SMOC2: variants seen among roughly 807,000 people sequenced by gnomAD.
The protein encoded by SMOC2 is SPARC-related modular calcium-binding protein 2.
Under a neutral mutation model 61.4 loss-of-function variants are expected in SMOC2, and 39 were observed. The ratio of observed to expected loss-of-function variants is 0.64; its 90% CI spans 0.49 to 0.83. The LOEUF is 0.83. SMOC2 is among the 40% of genes least tolerant of loss of function. SMOC2 has a pLI of 0.00. For missense variants in SMOC2, 556 were observed against 592.9 expected, an observed-to-expected ratio of 0.94 and a Z score of 0.65; for synonymous variants, 247 against 239.9, an observed-to-expected ratio of 1.03 and a Z score of -0.27.
intron 9 of SMOC2, among the ~76,000 whole-genome samples, chr6:168,638,689 C>G (rs966708339): frequency 6.6e-6 from 1 of 152,098 alleles, no homozygotes; most frequent in African/African-American, 2.4e-5. Flanking sequence ...GAAAAGACTG[C>G]GAAGGTGCCC....
At chr6:168,582,884 A>G (rs1435796284) in intron 7 of SMOC2, among the ~76,000 whole-genome samples, 1 of 151,920 alleles carries the variant, frequency 6.6e-6, no homozygotes, top group African/African-American at 2.4e-5. Context: ...CCCGGTTTTT[A>G]TCTTTCTTGA....
chr6:168,480,264 T>C (rs2115022422), intron 1 of SMOC2, among the ~76,000 whole-genome samples: 1 of 152,082 alleles, frequency 6.6e-6, no homozygotes, highest in East Asian at 1.9e-4. Flanking sequence ...AGAAAATGAA[T>C]CAACAGAAAA....
At position 168,475,907 on chromosome 6, in the gene SMOC2, G is replaced by A. The variant is rs1460969918; in HGVS notation, c.85-34008G>A. On this transcript the variant is annotated intron_variant, in intron 1 of 12. Coordinates refer to ENST00000356284, the MANE Select transcript of SMOC2 (RefSeq NM_001166412.2). This position sits in a 1 kb window ranked among gnomAD's most constrained non-coding sequence, Gnocchi z 4.6. ...CGGGGGTCTGTGTCGTTAACTGAGG[G>A]GCAGGCAGGAGCAGGTGGACCAGGA... is the stretch of plus-strand genomic sequence containing the variant. 6.6e-6 allele frequency among the ~76,000 whole-genome samples: 1 copy of A among 151,964 alleles called. No individual in the cohort carries two copies. Among genetic ancestry groups the A allele is most frequent in the Non-Finnish European group, 1.5e-5 (1 of 67,962 alleles).
chr6:168,582,088 T>C (rs933938077), intron 7 of SMOC2, among the ~76,000 whole-genome samples: 18 of 152,252 alleles, frequency 1.2e-4, no homozygotes, highest in African/African-American at 4.3e-4. Flanking sequence ...GTTTGGAGAC[T>C]TTCTCTCAAC....
chr6:168,464,297 CGGACGGAAGGAA>C (rs1231426571), intron 1 of SMOC2, among the ~76,000 whole-genome samples: 1 of 151,448 alleles, frequency 6.6e-6, no homozygotes, highest in Admixed American at 6.6e-5. Context: ...GAAGGAAGGA[CGGACGGAAGGAA>C]GGAAATCTCC....
At chr6:168,639,127 T>C (rs1407468989) in intron 9 of SMOC2, among the ~76,000 whole-genome samples, 1 of 152,196 alleles carries the variant, frequency 6.6e-6, no homozygotes, top group African/African-American at 2.4e-5. Context: ...GCACTGAGCG[T>C]CCTTTGTTCA....
intron 11 of SMOC2, among the ~76,000 whole-genome samples, chr6:168,662,904 T>C (rs1029950662): frequency 1.3e-5 from 2 of 152,178 alleles, no homozygotes; most frequent in African/African-American, 4.8e-5. Flanking sequence ...TACTGTGTCC[T>C]GAGGATGGAA....
At chr6:168,623,360 T>A (rs2115235039) in intron 9 of SMOC2, among the ~76,000 whole-genome samples, 1 of 142,598 alleles carries the variant, frequency 7.0e-6, no homozygotes, top group African/African-American at 2.6e-5. Context: ...AGACAGAGTC[T>A]TGCTCTGTGA....
intron 11 of SMOC2, among the ~76,000 whole-genome samples, chr6:168,656,695 GTCAC>G (rs1787333269): frequency 6.6e-6 from 1 of 151,982 alleles, no homozygotes; most frequent in Non-Finnish European, 1.5e-5. Flanking sequence ...TGTCTTGATA[GTCAC>G]TCAGTGCTGT....
intron 11 of SMOC2, among the ~76,000 whole-genome samples, chr6:168,657,862 G>T (rs1482339121): frequency 6.6e-6 from 1 of 152,158 alleles, no homozygotes; most frequent in Non-Finnish European, 1.5e-5. Context: ...ATTCGTGAGG[G>T]CAGAGTCCTC....
intron 6 of SMOC2, 21 bp downstream of exon 6, chr6:168,547,190 C>A (rs1021656822): frequency 3.1e-6 from 5 of 1,611,724 alleles, no homozygotes; most frequent in Non-Finnish European, 4.2e-6. Context: ...GTGGGGATTG[C>A]ACAGTCTGGG....
At position 168,453,048 on chromosome 6, in the gene SMOC2, G is replaced by C. The variant is rs1781499305; in HGVS notation, c.84+11594G>C. Among the ~76,000 whole-genome samples, 1 of 152,250 alleles carries C rather than the reference G, an allele frequency of 6.6e-6. No homozygotes were observed. The highest frequency in any genetic ancestry group is 6.5e-5 in the Admixed American group (1 of 15,284). ...GTTCCCTGGAAGTCGGTCTTGGGAG[G>C]ACACAGCCTCTGTTTCTGCACCAGA... On this transcript the variant is annotated intron_variant, in intron 1 of 12. Transcript: ENST00000356284. The surrounding 1 kb of genome is among the most constrained non-coding windows in gnomAD (Gnocchi z 4.4).
Position 168,475,759 on chromosome 6 carries a change from T to C in SMOC2, c.85-34156T>C, listed in dbSNP as rs1782066121. 6.6e-6 allele frequency among the ~76,000 whole-genome samples: 1 copy of C among 151,954 alleles called. No individual in the cohort carries two copies. Among genetic ancestry groups the C allele is most frequent in the Non-Finnish European group, 1.5e-5 (1 of 67,956 alleles). Reference sequence around the variant, plus strand: ...GAAGAAGAAGTAGTGAAGGGCAGTATTGGTGGAATAGGCAGGAGAGGGAGA... The same window carrying C: ...GAAGAAGAAGTAGTGAAGGGCAGTACTGGTGGAATAGGCAGGAGAGGGAGA... On this transcript the variant is annotated intron_variant, in intron 1 of 12. Coordinates refer to ENST00000356284, the MANE Select transcript of SMOC2 (RefSeq NM_001166412.2). The surrounding 1 kb of genome is among the most constrained non-coding windows in gnomAD (Gnocchi z 4.6).
chr6:168,516,102 T>A (rs1783128092), intron 2 of SMOC2, among the ~76,000 whole-genome samples: 1 of 152,200 alleles, frequency 6.6e-6, no homozygotes, highest in South Asian at 2.1e-4. Flanking sequence ...GCCTGTCTCT[T>A]TTGGATGTAC....
intron 1 of SMOC2, among the ~76,000 whole-genome samples, chr6:168,481,932 C>G (rs1248018107): frequency 6.6e-6 from 1 of 151,702 alleles, no homozygotes; most frequent in East Asian, 1.9e-4. Flanking sequence ...GCTATTAATT[C>G]TACCCTTTAA....
At chr6:168,547,196 CTGGGT>C (rs779385512) in intron 6 of SMOC2, 27 bp downstream of exon 6, 16 of 1,608,968 alleles carry the variant, frequency 9.9e-6, no homozygotes, top group Admixed American at 6.7e-5. Context: ...ATTGCACAGT[CTGGGT>C]TGGGGAGGAG....
chr6:168,486,209 A>G (rs1450076004), intron 1 of SMOC2, among the ~76,000 whole-genome samples: 1 of 152,234 alleles, frequency 6.6e-6, no homozygotes, highest in Non-Finnish European at 1.5e-5. Context: ...ATAGATATAT[A>G]ATATTGTTCC....
At chr6:168,599,150 T>TA in intron 8 of SMOC2, 146 bp downstream of exon 8, 1 of 684,916 alleles carries the variant, frequency 1.5e-6, no homozygotes. Flanking sequence ...ACCACACACA[T>TA]ACCCACACAC....
chr6:168,570,108 G>A (rs1019463595), intron 7 of SMOC2, among the ~76,000 whole-genome samples: 5 of 150,688 alleles, frequency 3.3e-5, no homozygotes, highest in Admixed American at 6.6e-5. Context: ...ACCTTGCTTC[G>A]CTACTTTGGG....
Sources: gnomAD v4.1 joint callset for allele counts (sites outside exome capture counted in the v4.1 genomes callset) on GRCh38, gnomAD v4.1.1 for gene constraint, Gnocchi (gnomAD v3.1) non-coding constraint, MANE v1.5 for transcripts, NCBI Gene and HGNC (gene_info 2026-07-23, HGNC 2026-07-21) for gene names.